The following FBXO34 variants were observed in gnomAD, a reference collection of about 807,000 sequenced individuals.
FBXO34 encodes the protein F-box only protein 34.
In FBXO34, 12 loss-of-function variants were observed where a neutral mutation model predicts 24.5. The observed-to-expected ratio is 0.49, with a 90% confidence interval of 0.31 to 0.79. The LOEUF (loss-of-function observed/expected upper bound fraction) is 0.79. Ranked by LOEUF, FBXO34 falls within the 30% of genes least tolerant of loss-of-function variation. The probability of loss-of-function intolerance (pLI) is 0.04; values close to 1 mark genes in which losing one functional copy is unlikely to be tolerated. For synonymous variants in FBXO34, 320 were observed against 311.9 expected (o/e 1.03, Z -0.27); for missense variants, 823 against 857.7 (o/e 0.96, Z 0.51).
chr14:55,402,452 G>T, the FBXO34 span, among the ~76,000 whole-genome samples: 5 of 152,126 alleles, frequency 3.3e-5, no homozygotes, highest in Non-Finnish European at 7.3e-5. Flanking sequence ...CAGAGATGAG[G>T]AAAGATTCAT....
At chr14:55,416,967 G>A in the FBXO34 span, among the ~76,000 whole-genome samples, 7 of 152,216 alleles carry the variant, frequency 4.6e-5, no homozygotes, top group Admixed American at 3.9e-4. Flanking sequence ...CAGGAGTAGA[G>A]CATTGGACTT....
At chr14:55,341,011 A>T (rs1320270314) in intron 1 of FBXO34, among the ~76,000 whole-genome samples, 6 of 152,248 alleles carry the variant, frequency 3.9e-5, no homozygotes, top group African/African-American at 1.4e-4. Flanking sequence ...TACATGTTAA[A>T]GAAAAAACTG....
chr14:55,278,868 G>A (rs1385146491), intron 1 of FBXO34, among the ~76,000 whole-genome samples: 1 of 152,142 alleles, frequency 6.6e-6, no homozygotes, highest in African/African-American at 2.4e-5. Flanking sequence ...TAAATTTTTT[G>A]TAGAGATGAG....
At chr14:55,295,355 A>G (rs536036369) in intron 1 of FBXO34, among the ~76,000 whole-genome samples, 1 of 146,300 alleles carries the variant, frequency 6.8e-6, no homozygotes, top group South Asian at 2.2e-4. Context: ...TCTATTCTAT[A>G]TAATGGCTCT....
the FBXO34 span, among the ~76,000 whole-genome samples, chr14:55,404,834 T>C: frequency 6.6e-6 from 1 of 152,188 alleles, no homozygotes; most frequent in African/African-American, 2.4e-5. Context: ...AAATGTGAAC[T>C]TAAGATTAGT....
chr14:55,427,542 A>G, the FBXO34 span, among the ~76,000 whole-genome samples: 4 of 152,174 alleles, frequency 2.6e-5, no homozygotes, highest in Non-Finnish European at 4.4e-5. Context: ...TTGGAATGAA[A>G]GAACTTCAGT....
intron 3 of FBXO34, among the ~76,000 whole-genome samples, chr14:55,361,149 A>G (rs1174945749): frequency 6.6e-6 from 1 of 152,252 alleles, no homozygotes; most frequent in Non-Finnish European, 1.5e-5. Context: ...CTGTAGCGTT[A>G]CAAAATGTAT....
chr14:55,410,403 A>G, the FBXO34 span, among the ~76,000 whole-genome samples: 1 of 152,204 alleles, frequency 6.6e-6, no homozygotes. Context: ...AGACATTTCC[A>G]TCTCATACCC....
chr14:55,359,753 T>C (rs564738703), intron 3 of FBXO34, among the ~76,000 whole-genome samples: 1 of 152,270 alleles, frequency 6.6e-6, no homozygotes, highest in Admixed American at 6.5e-5. Flanking sequence ...ATCTCAAACC[T>C]CTCTGTTGTC....
chr14:55,440,026 G>A, the FBXO34 span, among the ~76,000 whole-genome samples: 30 of 151,588 alleles, frequency 2.0e-4, no homozygotes, highest in Non-Finnish European at 3.7e-4. Context: ...CTTGAACCCA[G>A]GAGGCGGAGG....
the FBXO34 span, among the ~76,000 whole-genome samples, chr14:55,404,197 C>G: frequency 6.6e-6 from 1 of 152,192 alleles, no homozygotes; most frequent in African/African-American, 2.4e-5. Flanking sequence ...ACAAATTCAT[C>G]TGAAAAATAT....
the FBXO34 span, among the ~76,000 whole-genome samples, chr14:55,439,622 C>CCCCCCG: frequency 7.2e-6 from 1 of 138,098 alleles, no homozygotes; most frequent in Non-Finnish European, 1.6e-5. Flanking sequence ...AAACCCCCCC[C>CCCCCCG]CGTCTCTACT....
Position 55,351,818 on chromosome 14 carries a change from C to T in FBXO34, c.1428C>T (p.Asp476=). The T allele has an allele frequency of 6.2e-7, 1 of 1,614,160 alleles. No homozygotes were observed. ...CTTCCATTTTAAACTCCTGTGAAGACCCAGTTCCAGGGATGTTGTTTTTTT... is the reference window on the plus strand; with the variant it reads ...CTTCCATTTTAAACTCCTGTGAAGATCCAGTTCCAGGGATGTTGTTTTTTT... ...DQPSILNSCE[D]PVPGMLFFLP... The change falls in exon 2 of 2, where the codon GAC becomes GAT. Residue 476 remains aspartate, a synonymous_variant. Transcript: ENST00000313833.
chr14:55,295,422 C>T (rs1276277999), intron 1 of FBXO34, among the ~76,000 whole-genome samples: 3 of 120,860 alleles, frequency 2.5e-5, no homozygotes, highest in Non-Finnish European at 1.6e-5. Context: ...GAGACAGAGT[C>T]TCTCGTCTGT....
intron 1 of FBXO34, among the ~76,000 whole-genome samples, chr14:55,284,478 C>A (rs1215428221): frequency 6.9e-6 from 1 of 144,992 alleles, no homozygotes; most frequent in Non-Finnish European, 1.5e-5. Flanking sequence ...TGCCATTGCA[C>A]TCCAGCCTGG....
intron 1 of FBXO34, among the ~76,000 whole-genome samples, chr14:55,304,644 T>C (rs1043478489): frequency 6.6e-6 from 1 of 152,038 alleles, no homozygotes; most frequent in African/African-American, 2.4e-5. Flanking sequence ...GGACCACAAG[T>C]ACATACCACT....
At chr14:55,413,459 A>C in the FBXO34 span, 1 of 197,906 alleles carries the variant, frequency 5.1e-6, no homozygotes, top group Non-Finnish European at 1.0e-5. Context: ...TTTGGATACA[A>C]AATGTAGTTT....
chr14:55,293,068 A>G (rs1566543131), intron 1 of FBXO34, among the ~76,000 whole-genome samples: 1 of 151,710 alleles, frequency 6.6e-6, no homozygotes, highest in Non-Finnish European at 1.5e-5. Flanking sequence ...TTGGTAGTAG[A>G]GACGGGGTTT....
chr14:55,424,414 T>A, the FBXO34 span, among the ~76,000 whole-genome samples: 2 of 152,204 alleles, frequency 1.3e-5, no homozygotes, highest in African/African-American at 4.8e-5. Context: ...GTCTTGAGTG[T>A]CCTAGGTAAT....
Sources: allele counts gnomAD v4.1 joint callset (sites outside exome capture counted in the v4.1 genomes callset), GRCh38; gene constraint gnomAD v4.1.1; transcripts MANE v1.5; gene names NCBI Gene and HGNC (gene_info 2026-07-23, HGNC 2026-07-21).